IQCM: variants seen among roughly 807,000 people sequenced by gnomAD.
The protein encoded by IQCM is IQ domain-containing protein M.
Under a neutral mutation model 57.6 loss-of-function variants are expected in IQCM, and 45 were observed. That is an observed-to-expected ratio of 0.78 (90% confidence interval 0.62 to 1.00). IQCM has a LOEUF of 1.00. Among genes scored for constraint, IQCM ranks in the 50% least tolerant of loss-of-function variants. The pLI is 0.00. For missense variants in IQCM, 468 were observed against 511.6 expected (o/e 0.91, Z 0.82); for synonymous variants, 148 against 158.9 (o/e 0.93, Z 0.51).
intron 13 of IQCM, among the ~76,000 whole-genome samples, chr4:149,420,539 C>T (rs1734052864): frequency 6.6e-6 from 1 of 151,876 alleles, no homozygotes; most frequent in Non-Finnish European, 1.5e-5. Flanking sequence ...GGCTTAATAC[C>T]TAGGTGATGG....
intron 2 of IQCM, chr4:149,780,339 T>C (rs914343330): frequency 6.6e-6 from 1 of 151,954 alleles, no homozygotes; most frequent in African/African-American, 2.4e-5. Context: ...AAACAAAAGT[T>C]CACAGTAGGG....
chr4:149,505,444 G>T, intron 12 of IQCM, among the ~76,000 whole-genome samples: 1 of 152,130 alleles, frequency 6.6e-6, no homozygotes. Flanking sequence ...ACTTTGGAAA[G>T]ATAAATTTTT....
intron 12 of IQCM, among the ~76,000 whole-genome samples, chr4:149,486,418 C>CT (rs1741517782): frequency 6.6e-6 from 1 of 152,048 alleles, no homozygotes; most frequent in African/African-American, 2.4e-5. Context: ...CTGTTGCCAC[C>CT]ACCACCACCA....
intron 13 of IQCM, among the ~76,000 whole-genome samples, chr4:149,370,524 C>T (rs915498374): frequency 1.4e-5 from 2 of 147,880 alleles, no homozygotes; most frequent in South Asian, 2.1e-4. Flanking sequence ...TATATATATA[C>T]ACACACACAT....
At chr4:149,621,983 T>C (rs1189567550) in intron 7 of IQCM, among the ~76,000 whole-genome samples, 2 of 152,188 alleles carry the variant, frequency 1.3e-5, no homozygotes, top group South Asian at 2.1e-4. Context: ...TGTGTATCTA[T>C]GTAGTCTTTC....
chr4:149,664,911 C>T (rs552848741), intron 7 of IQCM, among the ~76,000 whole-genome samples: 12 of 152,230 alleles, frequency 7.9e-5, no homozygotes, highest in South Asian at 4.1e-4. Context: ...TGTGCACAGG[C>T]GCAGCAGGTC....
chr4:149,681,588 A>C (rs1762181073), intron 7 of IQCM, among the ~76,000 whole-genome samples: 2 of 151,140 alleles, frequency 1.3e-5, no homozygotes, highest in Non-Finnish European at 1.5e-5. Context: ...ATTTTTAAAA[A>C]TTTCTTCTGA....
chr4:149,690,002 G>T (rs895812765), intron 5 of IQCM, among the ~76,000 whole-genome samples: 1 of 152,092 alleles, frequency 6.6e-6, no homozygotes, highest in Non-Finnish European at 1.5e-5. Context: ...AAACAGTGTG[G>T]GGATTCCTTA....
At chr4:149,622,051 T>C (rs573968405) in intron 7 of IQCM, among the ~76,000 whole-genome samples, 2 of 152,338 alleles carry the variant, frequency 1.3e-5, no homozygotes, top group African/African-American at 2.4e-5. Flanking sequence ...CATAAATTTA[T>C]AGAAAACTCA....
intron 12 of IQCM, among the ~76,000 whole-genome samples, chr4:149,449,127 T>C (rs1210766367): frequency 1.3e-5 from 2 of 150,652 alleles, no homozygotes; most frequent in Admixed American, 1.3e-4. Flanking sequence ...ATCATGGACT[T>C]GAGGTAGAGA....
At chr4:149,615,435 T>A (rs1427770638) in intron 8 of IQCM, among the ~76,000 whole-genome samples, 1 of 152,188 alleles carries the variant, frequency 6.6e-6, no homozygotes, top group African/African-American at 2.4e-5. Flanking sequence ...TTCTTCAGGA[T>A]GCAGTTTTTA....
chr4:149,511,030 C>A (rs1663022389), intron 12 of IQCM, among the ~76,000 whole-genome samples: 1 of 152,184 alleles, frequency 6.6e-6, no homozygotes, highest in Non-Finnish European at 1.5e-5. Flanking sequence ...AATACTTCCT[C>A]ATAGCTTATG....
At chr4:149,760,414 A>G (rs1769391934) in intron 2 of IQCM, among the ~76,000 whole-genome samples, 2 of 152,140 alleles carry the variant, frequency 1.3e-5, no homozygotes, top group Admixed American at 1.3e-4. Context: ...AGATGAAAAT[A>G]GTACAGCAGA....
rs1226241949 is a variant in IQCM, at chr4:149,379,543, C to T, written c.1391-27477G>A. Among the ~76,000 whole-genome samples, 9 of 152,202 alleles carry T rather than the reference C, an allele frequency of 5.9e-5. No individual in the cohort carries two copies. The South Asian group carries it at 6.2e-4, about 10-fold the overall frequency. The stretch of plus-strand genomic sequence containing the variant: ...ACTGCCCTGCTGGATTTCAGACTTG[C>T]ATGAGGCCTTTAGCCCCTTTGCTTT... On this transcript the variant is annotated intron_variant, in intron 13 of 13. Transcript: ENST00000636793.
In IQCM at chr4:149,481,696, G is replaced by GTTT. The variant is rs1197852884; in HGVS notation, c.1229-48142_1229-48140dup. On this transcript the variant is annotated intron_variant, in intron 12 of 13. Coordinates refer to ENST00000636793, the MANE Select transcript of IQCM (RefSeq NM_001363507.2). ...GAAGTCATGTAATGTGATTCTTCCA[G>GTTT]TTTTGTTTTTTTTTTTTTTTTTTTT... Among the ~76,000 whole-genome samples the GTTT allele has an allele frequency of 2.2e-3, 74 of 33,594 alleles. 1 individual carries two copies. The highest frequency in any genetic ancestry group is 3.7e-3 in the Admixed American group (8 of 2,182). The allele number at this position is 33,594 out of a possible 152,430, so 22.0% of individuals were successfully genotyped here.
At chr4:149,549,586 T>C (rs1050103017) in intron 11 of IQCM, among the ~76,000 whole-genome samples, 3 of 152,220 alleles carry the variant, frequency 2.0e-5, no homozygotes, top group African/African-American at 7.2e-5. Context: ...TTTTTTTCTC[T>C]TTTCAAAAAA....
chr4:149,699,841 T>C (rs1763631571), intron 5 of IQCM, among the ~76,000 whole-genome samples: 2 of 151,820 alleles, frequency 1.3e-5, no homozygotes, highest in South Asian at 2.1e-4. Flanking sequence ...ACCACCTGTC[T>C]CCAGATTGGG....
At chr4:149,628,850 A>G (rs1299793157) in intron 7 of IQCM, among the ~76,000 whole-genome samples, 2 of 152,200 alleles carry the variant, frequency 1.3e-5, no homozygotes, top group Admixed American at 1.3e-4. Context: ...GTTATTCTCA[A>G]ATTTCTTCTG....
chr4:149,380,961 A>G (rs1049546010), intron 13 of IQCM, among the ~76,000 whole-genome samples: 4 of 152,174 alleles, frequency 2.6e-5, no homozygotes, highest in Admixed American at 1.3e-4. Flanking sequence ...ACCTCTTGCA[A>G]TCTTTGCTTA....
Sources: allele counts gnomAD v4.1 joint callset (sites outside exome capture counted in the v4.1 genomes callset), GRCh38; gene constraint gnomAD v4.1.1; transcripts MANE v1.5; gene names NCBI Gene and HGNC (gene_info 2026-07-23, HGNC 2026-07-21).